The following FNIP1 variants were observed in gnomAD, a reference collection of about 807,000 sequenced individuals.
FNIP1 encodes the protein folliculin-interacting protein 1.
Under a neutral mutation model 124.5 loss-of-function variants are expected in FNIP1, and 40 were observed. The observed-to-expected ratio is 0.32, with a 90% CI of 0.25 to 0.42. The LOEUF is 0.42. FNIP1 is among the 10% of genes least tolerant of loss of function. The probability of loss-of-function intolerance (pLI) is 1.00; values close to 1 mark genes in which losing one functional copy is unlikely to be tolerated. For synonymous variants in FNIP1, 472 were observed against 470.6 expected (o/e 1.00, Z -0.04); for missense variants, 1,176 against 1,403.7 (o/e 0.84, Z 2.59).
intron 11 of FNIP1, among the ~76,000 whole-genome samples, chr5:131,683,486 G>A (rs959578545): frequency 1.3e-5 from 2 of 148,276 alleles, no homozygotes; most frequent in Admixed American, 6.8e-5. Context: ...CCGGGAGGCA[G>A]AGCTTGCAGT....
rs1294855773 is a variant in FNIP1 at position 131,642,624 on chromosome 5, C to T, written c.*2061G>A. On this transcript the variant is annotated 3_prime_UTR_variant, in exon 18 of 18. Coordinates refer to ENST00000510461, the MANE Select transcript of FNIP1 (RefSeq NM_133372.3). ...GTGGCTCACGCCTGTAATCCCAGTA[C>T]TTTGGGAGGTCGAGGCAGGTGGATC... 3 of 151,326 alleles carry T rather than the reference C, an allele frequency of 2.0e-5. No homozygotes were observed. The highest frequency in any genetic ancestry group is 4.9e-5 in the African/African-American group (2 of 41,062). The allele number at this position is 151,326 out of a possible 1,614,324, so 9.4% of individuals were successfully genotyped here.
chr5:131,652,475 C>T (rs1028712991), intron 15 of FNIP1, among the ~76,000 whole-genome samples: 1 of 152,190 alleles, frequency 6.6e-6, no homozygotes, highest in Non-Finnish European at 1.5e-5. Context: ...CTGCCTCAGC[C>T]TCCCAAGTAG....
At position 131,730,991 on chromosome 5, in the gene FNIP1, T is replaced by C. The variant is rs1389842442; in HGVS notation, c.267A>G (p.Gln89=). The stretch of plus-strand genomic sequence containing the variant: ...AAGAACTGTCTCCTCCAGGTTTCAG[T>C]TGGCAGCATTTCCCAAAGACTTTAA... ...AQVKVFGKCC[Q]LKPGGDSSSS... Residue 89 remains glutamine (Q), a synonymous_variant, in exon 3 of 18, where the codon CAA becomes CAG. Coordinates refer to ENST00000510461, the MANE Select transcript of FNIP1 (RefSeq NM_133372.3). The C allele has an allele frequency of 6.2e-7, 1 of 1,613,356 alleles. No individual in the cohort carries two copies. The highest frequency in any genetic ancestry group is 1.7e-5 in the Admixed American group (1 of 59,882).
chr5:131,767,136 T>G (rs912710464), intron 1 of FNIP1, among the ~76,000 whole-genome samples: 1 of 152,070 alleles, frequency 6.6e-6, no homozygotes, highest in African/African-American at 2.4e-5. Flanking sequence ...CTATCAGGCT[T>G]AAAAGAAATT....
intron 1 of FNIP1, among the ~76,000 whole-genome samples, chr5:131,761,730 T>C (rs1305158061): frequency 6.6e-6 from 1 of 151,450 alleles, no homozygotes; most frequent in East Asian, 1.9e-4. Context: ...AAAATACCAA[T>C]GACATTCTTG....
At chr5:131,690,266 A>G (rs1262979565) in intron 11 of FNIP1, among the ~76,000 whole-genome samples, 1 of 152,104 alleles carries the variant, frequency 6.6e-6, no homozygotes, top group Non-Finnish European at 1.5e-5. Context: ...AATAAAAGTT[A>G]AGGTATAGAA....
At chr5:131,739,546 G>A (rs1477165414) in intron 2 of FNIP1, among the ~76,000 whole-genome samples, 1 of 152,130 alleles carries the variant, frequency 6.6e-6, no homozygotes, top group East Asian at 1.9e-4. Flanking sequence ...AGGCGTGGTG[G>A]CTCACGCCCG....
In FNIP1 at chr5:131,731,219, C is replaced by T. The variant is rs140030656; in HGVS notation, c.220-181G>A. Among the ~76,000 whole-genome samples, 750 of 152,300 alleles carry T rather than the reference C, an allele frequency of 4.9e-3. 2 individuals are homozygous for T. Among genetic ancestry groups the T allele is most frequent in the Non-Finnish European group, 6.8e-3 (465 of 68,012 alleles). On this transcript the variant is annotated intron_variant, in intron 2 of 17. Coordinates refer to ENST00000510461, the MANE Select transcript of FNIP1 (RefSeq NM_133372.3). ...CTATTTTCTATTCTTTGTCTCATAACTATAATAAAATTTGTGGGGTTTGTA... is the reference window on the plus strand; with the variant it reads ...CTATTTTCTATTCTTTGTCTCATAATTATAATAAAATTTGTGGGGTTTGTA...
At chr5:131,647,810 T>G (rs1271265574) in intron 16 of FNIP1, among the ~76,000 whole-genome samples, 1 of 152,150 alleles carries the variant, frequency 6.6e-6, no homozygotes, top group East Asian at 1.9e-4. Flanking sequence ...TCAGTGGCAC[T>G]AAGTACATTC....
At chr5:131,735,872 G>A (rs1260139102) in intron 2 of FNIP1, among the ~76,000 whole-genome samples, 1 of 151,440 alleles carries the variant, frequency 6.6e-6, no homozygotes, top group Non-Finnish European at 1.5e-5. Flanking sequence ...ATATATAATA[G>A]TTATAATATC....
At chr5:131,720,971 C>A (rs1185150361) in intron 3 of FNIP1, among the ~76,000 whole-genome samples, 1 of 152,194 alleles carries the variant, frequency 6.6e-6, no homozygotes, top group East Asian at 1.9e-4. Flanking sequence ...GGCAATTCCA[C>A]TTCTGGGCAT....
chr5:131,659,313 T>C (rs991700749), intron 15 of FNIP1, among the ~76,000 whole-genome samples: 2 of 152,228 alleles, frequency 1.3e-5, no homozygotes, highest in Non-Finnish European at 2.9e-5. Context: ...CAGGATTCCA[T>C]GCTCAGGAAG....
intron 1 of FNIP1, among the ~76,000 whole-genome samples, chr5:131,757,734 C>T (rs559130585): frequency 7.9e-5 from 12 of 151,378 alleles, no homozygotes; most frequent in South Asian, 4.2e-4. Flanking sequence ...CATTATTAGA[C>T]GGGGGAGGGA....
intron 1 of FNIP1, among the ~76,000 whole-genome samples, chr5:131,768,487 G>A (rs1771515266): frequency 6.6e-6 from 1 of 151,492 alleles, no homozygotes; most frequent in Non-Finnish European, 1.5e-5. Flanking sequence ...TTTTAAAAAG[G>A]GGGGAACTTG....
chr5:131,780,411 G>A (rs983475205), intron 1 of FNIP1, among the ~76,000 whole-genome samples: 1 of 151,948 alleles, frequency 6.6e-6, no homozygotes, highest in African/African-American at 2.4e-5. Flanking sequence ...GTCTATGTAG[G>A]CATCTTATTT....
intron 11 of FNIP1, among the ~76,000 whole-genome samples, chr5:131,685,938 T>C (rs1768260247): frequency 6.6e-6 from 1 of 152,208 alleles, no homozygotes; most frequent in South Asian, 2.1e-4. Context: ...TGTGTGTATG[T>C]GTGTGTTTGA....
rs143921415 is a variant in FNIP1 at position 131,670,501 on chromosome 5, G to A, written c.3070C>T (p.Arg1024Cys). Residue 1024 changes from arginine to cysteine, a missense_variant, in exon 15 of 18, where the codon CGT (arginine) becomes TGT (cysteine). Arg to Cys is a radical substitution (Grantham distance 180, BLOSUM62 -3). Coordinates refer to ENST00000510461, the MANE Select transcript of FNIP1 (RefSeq NM_133372.3). ...LQGIGSDERF[R>C]QCLMSDLSHA... is the part of the protein sequence containing the mutation. ...GATAAATCTGACATCAGACACTGAC[G>A]GAACCTCTCATCACTCCCAATTCCT... 2.7e-5 allele frequency: 44 copies of A among 1,612,256 alleles called. No homozygotes were observed. The highest frequency in any genetic ancestry group is 3.1e-5 in the Non-Finnish European group (36 of 1,179,454).
At chr5:131,682,328 T>C (rs1267699455) in intron 11 of FNIP1, among the ~76,000 whole-genome samples, 1 of 152,206 alleles carries the variant, frequency 6.6e-6, no homozygotes, top group African/African-American at 2.4e-5. Flanking sequence ...ATATATGCTA[T>C]GGCCTCAGAG....
At chr5:131,678,126 G>A (rs1014616802) in intron 12 of FNIP1, among the ~76,000 whole-genome samples, 4 of 152,148 alleles carry the variant, frequency 2.6e-5, no homozygotes, top group Admixed American at 2.0e-4. Flanking sequence ...CAGATCGTAA[G>A]TACAAAACAG....
Sources: gnomAD v4.1 joint callset for allele counts (sites outside exome capture counted in the v4.1 genomes callset) on GRCh38, gnomAD v4.1.1 for gene constraint, MANE v1.5 for transcripts, NCBI Gene and HGNC (gene_info 2026-07-23, HGNC 2026-07-21) for gene names.